The following AUTS2 variants were observed in gnomAD, a reference collection of about 807,000 sequenced individuals.
The protein encoded by AUTS2 is autism susceptibility gene 2 protein.
Under a neutral mutation model 112.4 loss-of-function variants are expected in AUTS2, and 17 were observed. The ratio of observed to expected loss-of-function variants is 0.15; its 90% CI spans 0.10 to 0.23. AUTS2 has a LOEUF of 0.23. AUTS2 is among the 10% of genes least tolerant of loss of function. The probability of loss-of-function intolerance (pLI) is 1.00; values close to 1 mark genes in which losing one functional copy is unlikely to be tolerated. For missense variants in AUTS2, 1,510 were observed against 1,701.6 expected (o/e 0.89, Z 1.98); for synonymous variants, 751 against 702.7 (o/e 1.07, Z -1.09).
At chr7:70,203,334 T>TA (rs1299918907) in intron 4 of AUTS2, among the ~76,000 whole-genome samples, 6 of 52,980 alleles carry the variant, frequency 1.1e-4, no homozygotes, top group African/African-American at 1.7e-4. Context: ...CCCTAAAACT[T>TA]AGAGTATAAT....
intron 2 of AUTS2, among the ~76,000 whole-genome samples, chr7:70,004,971 C>T (rs1383658308): frequency 2.0e-5 from 3 of 151,830 alleles, no homozygotes; most frequent in South Asian, 2.1e-4. Context: ...ATTACAGGCA[C>T]CTACCACCAT....
At chr7:70,193,653 A>C (rs1481828706) in intron 4 of AUTS2, among the ~76,000 whole-genome samples, 1 of 152,226 alleles carries the variant, frequency 6.6e-6, no homozygotes. Flanking sequence ...GATGTCCAGC[A>C]ATAGGAAAAA....
intron 2 of AUTS2, among the ~76,000 whole-genome samples, chr7:69,964,385 C>T (rs1307817662): frequency 6.6e-6 from 1 of 152,178 alleles, no homozygotes; most frequent in African/African-American, 2.4e-5. Context: ...TGCGTGCACA[C>T]TATCCTTAGG....
At chr7:69,873,916 G>A (rs1793612848) in intron 1 of AUTS2, among the ~76,000 whole-genome samples, 1 of 152,198 alleles carries the variant, frequency 6.6e-6, no homozygotes, top group Admixed American at 6.5e-5. Context: ...TCTAGACTGT[G>A]GCCTGGAGGA....
intron 5 of AUTS2, among the ~76,000 whole-genome samples, chr7:70,456,703 C>T (rs1043611682): frequency 2.4e-4 from 37 of 152,246 alleles, no homozygotes; most frequent in African/African-American, 8.9e-4. Flanking sequence ...CCCAGCCTGG[C>T]TCCACTCACT....
At chr7:69,623,944 T>C (rs1016058426) in intron 1 of AUTS2, among the ~76,000 whole-genome samples, 1 of 152,196 alleles carries the variant, frequency 6.6e-6, no homozygotes, top group African/African-American at 2.4e-5. Flanking sequence ...ATTAGAGATA[T>C]AAGTAAAGGT....
intron 1 of AUTS2, among the ~76,000 whole-genome samples, chr7:69,816,534 C>T (rs921204224): frequency 5.9e-5 from 9 of 152,172 alleles, no homozygotes; most frequent in African/African-American, 1.9e-4. Context: ...CTGTCTGCTG[C>T]GCTTTCTTGC....
intron 2 of AUTS2, among the ~76,000 whole-genome samples, chr7:70,029,179 G>T (rs1431861312): frequency 6.6e-6 from 1 of 151,316 alleles, no homozygotes; most frequent in African/African-American, 2.4e-5. Flanking sequence ...TATCTGCCTT[G>T]TGGGTTGTTT....
chr7:70,319,613 G>T (rs566242626), intron 4 of AUTS2, among the ~76,000 whole-genome samples: 1 of 152,124 alleles, frequency 6.6e-6, no homozygotes, highest in Non-Finnish European at 1.5e-5. Flanking sequence ...GGTTTTAGTC[G>T]AAACAAATTA....
intron 5 of AUTS2, among the ~76,000 whole-genome samples, chr7:70,506,631 C>T (rs536889098): frequency 1.3e-5 from 2 of 152,266 alleles, no homozygotes; most frequent in African/African-American, 4.8e-5. Flanking sequence ...GTGCTCCGCG[C>T]CCAGCGTAAA....
intron 2 of AUTS2, among the ~76,000 whole-genome samples, chr7:69,952,103 A>G (rs1285451067): frequency 6.6e-6 from 1 of 151,440 alleles, no homozygotes; most frequent in Non-Finnish European, 1.5e-5. Context: ...TAAGGATTGA[A>G]CCCTTTTTTT....
intron 2 of AUTS2, among the ~76,000 whole-genome samples, chr7:69,986,281 A>C (rs1798512658): frequency 6.6e-6 from 1 of 152,244 alleles, no homozygotes; most frequent in South Asian, 2.1e-4. Context: ...AGCAGTGAGT[A>C]AGAACATTAA....
At chr7:70,030,770 G>A (rs964903266) in intron 2 of AUTS2, among the ~76,000 whole-genome samples, 3 of 152,086 alleles carry the variant, frequency 2.0e-5, no homozygotes, top group Non-Finnish European at 4.4e-5. Context: ...AGAGCTTCTT[G>A]GTCTCACTTT....
rs561986471 is a variant in AUTS2 at position 70,379,224 on chromosome 7, G to T, written c.661-56528G>T. 3.7e-4 allele frequency among the ~76,000 whole-genome samples: 56 copies of T among 152,234 alleles called. 1 individual carries two copies. In the South Asian group the frequency reaches 0.011, roughly 31 times the overall value. ...TGTTGAAAAACTATTATTAGGGCGG[G>T]CACGGTGGCTCACGTCTGTAATCCC... On this transcript the variant is annotated intron_variant, in intron 4 of 18. Transcript: ENST00000342771.
intron 2 of AUTS2, among the ~76,000 whole-genome samples, chr7:69,918,330 G>C (rs1439322405): frequency 6.6e-6 from 1 of 152,034 alleles, no homozygotes; most frequent in African/African-American, 2.4e-5. Context: ...CCCTTGTATT[G>C]GTGTGGCCAT....
chr7:69,750,886 C>T (rs189762645), intron 1 of AUTS2, among the ~76,000 whole-genome samples: 3 of 152,038 alleles, frequency 2.0e-5, no homozygotes, highest in Non-Finnish European at 4.4e-5. Context: ...ATGGAAACCC[C>T]GTGCTTCCAG....
At chr7:70,291,377 G>T (rs1194911915) in intron 4 of AUTS2, 1 of 152,196 alleles carries the variant, frequency 6.6e-6, no homozygotes, top group Non-Finnish European at 1.5e-5. Flanking sequence ...TGTGAGAGGT[G>T]AGAAAACAAC....
At chr7:70,712,290 C>T (rs1017589492) in intron 6 of AUTS2, among the ~76,000 whole-genome samples, 1 of 149,310 alleles carries the variant, frequency 6.7e-6, no homozygotes, top group Non-Finnish European at 1.5e-5. Flanking sequence ...CAAAATGAAC[C>T]GCCCACCTCA....
intron 2 of AUTS2, among the ~76,000 whole-genome samples, chr7:69,967,646 A>G (rs987200646): frequency 6.6e-6 from 1 of 152,154 alleles, no homozygotes; most frequent in African/African-American, 2.4e-5. Flanking sequence ...AAAACTCAGC[A>G]TCGGAAAGAA....
Sources: gnomAD v4.1 joint callset for allele counts (sites outside exome capture counted in the v4.1 genomes callset) on GRCh38, gnomAD v4.1.1 for gene constraint, MANE v1.5 for transcripts, NCBI Gene and HGNC (gene_info 2026-07-23, HGNC 2026-07-21) for gene names.